The following COL5A2 variants were observed in gnomAD, a reference collection of about 807,000 sequenced individuals.
The protein encoded by COL5A2 is collagen type V alpha 2 chain.
Under a neutral mutation model 208.2 loss-of-function variants are expected in COL5A2, and 23 were observed. The ratio of observed to expected loss-of-function variants is 0.11; its 90% CI spans 0.08 to 0.16. The LOEUF (loss-of-function observed/expected upper bound fraction) is 0.16, where lower values mean the gene tolerates loss of function less well. COL5A2 is among the 10% of genes least tolerant of loss of function. COL5A2 has a pLI of 1.00. For missense variants in COL5A2, 1,590 were observed against 1,956.4 expected (o/e 0.81, Z 3.53); for synonymous variants, 625 against 628.5 (o/e 0.99, Z 0.08).
At chr2:189,374,885 AAAG>A in the COL5A2 span, among the ~76,000 whole-genome samples, 3 of 152,334 alleles carry the variant, frequency 2.0e-5, no homozygotes, top group African/African-American at 7.2e-5. Flanking sequence ...CTTTCTAAAC[AAAG>A]AAGAATGAAG....
At chr2:189,222,753 G>A (rs1463313646) in intron 1 of COL5A2, among the ~76,000 whole-genome samples, 1 of 152,176 alleles carries the variant, frequency 6.6e-6, no homozygotes, top group African/African-American at 2.4e-5. Flanking sequence ...GGGCAGTTGT[G>A]TTTGTAGTTT....
At chr2:189,290,865 G>T in the COL5A2 span, among the ~76,000 whole-genome samples, 1 of 151,896 alleles carries the variant, frequency 6.6e-6, no homozygotes, top group South Asian at 2.1e-4. Context: ...AAATATCTCT[G>T]CTTGTAAGAA....
At chr2:189,355,391 C>T in the COL5A2 span, among the ~76,000 whole-genome samples, 1 of 152,092 alleles carries the variant, frequency 6.6e-6, no homozygotes, top group Non-Finnish European at 1.5e-5. Context: ...GTTAAAGTCT[C>T]CCACTATTAT....
intron 1 of COL5A2, among the ~76,000 whole-genome samples, chr2:189,212,183 G>A (rs1442276080): frequency 6.6e-6 from 1 of 152,056 alleles, no homozygotes; most frequent in Non-Finnish European, 1.5e-5. Context: ...AGACAACGTG[G>A]CCTCCTTCCT....
At chr2:189,279,926 G>C in the COL5A2 span, among the ~76,000 whole-genome samples, 4 of 152,032 alleles carry the variant, frequency 2.6e-5, no homozygotes, top group African/African-American at 7.2e-5. Context: ...TTTAGAGGTG[G>C]GGCCTTTGGG....
intron 1 of COL5A2, among the ~76,000 whole-genome samples, chr2:189,126,881 T>A (rs180902890): frequency 2.9e-4 from 44 of 152,206 alleles, no homozygotes; most frequent in Non-Finnish European, 4.6e-4. Context: ...ACTGAGTACC[T>A]ATTATGTGCC....
At chr2:189,065,208 A>G (rs1686122612) in intron 23 of COL5A2, 151 bp from the exon 24 acceptor site, 1 of 731,616 alleles carries the variant, frequency 1.4e-6, no homozygotes, top group Non-Finnish European at 2.4e-6. Context: ...ATCTGACTCG[A>G]TGGAAAAACT....
In COL5A2 at chr2:189,212,735, T is replaced by C. The variant is rs546703956; in HGVS notation, c.-42+12413A>G. On this transcript the variant is annotated intron_variant, in intron 1 of 10. Coordinates refer to the COL5A2 transcript ENST00000649966. ...AGCGAAAGAAAAATTGAATGGTAGA[T>C]GGGCAATAGAGACAAAGGAAAGGCA... Among the ~76,000 whole-genome samples the C allele has an allele frequency of 1.4e-4, 21 of 150,882 alleles. No individual in the cohort carries two copies. The South Asian group carries it at 3.2e-3, about 23-fold the overall frequency.
chr2:189,115,749 C>A (rs186015982), intron 1 of COL5A2, among the ~76,000 whole-genome samples: 1 of 152,166 alleles, frequency 6.6e-6, no homozygotes, highest in Non-Finnish European at 1.5e-5. Flanking sequence ...TTATATAATC[C>A]GTCTTTGATA....
At chr2:189,246,169 C>G in the COL5A2 span, among the ~76,000 whole-genome samples, 2 of 151,872 alleles carry the variant, frequency 1.3e-5, no homozygotes, top group Admixed American at 6.6e-5. Flanking sequence ...AATCATTCAC[C>G]AATACATGAA....
At chr2:189,201,735 T>G (rs1423944950) in intron 1 of COL5A2, among the ~76,000 whole-genome samples, 1 of 151,830 alleles carries the variant, frequency 6.6e-6, no homozygotes, top group Non-Finnish European at 1.5e-5. Context: ...AAAGACAAAC[T>G]GCTTTGAAGG....
chr2:189,064,251 T>C (rs1398533195), intron 25 of COL5A2, among the ~76,000 whole-genome samples: 1 of 120,074 alleles, frequency 8.3e-6, no homozygotes, highest in African/African-American at 3.1e-5. Flanking sequence ...TTACAAATAT[T>C]TATAAATTCT....
chr2:189,332,639 T>C, the COL5A2 span, among the ~76,000 whole-genome samples: 2 of 152,320 alleles, frequency 1.3e-5, no homozygotes, highest in South Asian at 2.1e-4. Flanking sequence ...CCATGTAAGA[T>C]GTGACTTGCT....
chr2:189,244,406 A>C, the COL5A2 span, among the ~76,000 whole-genome samples: 134 of 152,266 alleles, frequency 8.8e-4, no homozygotes, highest in Non-Finnish European at 1.5e-3. Flanking sequence ...AAGTTCCACA[A>C]ATCTCTAAGG....
the COL5A2 span, among the ~76,000 whole-genome samples, chr2:189,403,644 T>G: frequency 6.6e-6 from 1 of 152,250 alleles, no homozygotes; most frequent in African/African-American, 2.4e-5. Context: ...TTGAATTTTA[T>G]TGAAGGCCTT....
chr2:189,068,219 T>G lies in COL5A2; in HGVS notation c.1302+7A>C. ...TGAGCTTCACATGCCATAAATGCAGTACTCACCGTTGGGCCTTTGGCACCA... is the reference window on the plus strand; with the variant it reads ...TGAGCTTCACATGCCATAAATGCAGGACTCACCGTTGGGCCTTTGGCACCA... On this transcript the variant is annotated splice_region_variant and intron_variant, in intron 20 of 53. Transcript: ENST00000374866. The G allele has an allele frequency of 1.2e-6, 2 of 1,613,572 alleles. No homozygotes were observed. The highest frequency in any genetic ancestry group is 2.2e-5 in the South Asian group (2 of 91,068).
At chr2:189,201,048 G>C (rs977832595) in intron 1 of COL5A2, among the ~76,000 whole-genome samples, 7 of 152,066 alleles carry the variant, frequency 4.6e-5, no homozygotes, top group African/African-American at 1.7e-4. Flanking sequence ...AATAGTTAAA[G>C]TGAAGGTAAA....
At chr2:189,054,502 C>A (rs908242953) in intron 35 of COL5A2, among the ~76,000 whole-genome samples, 4 of 152,082 alleles carry the variant, frequency 2.6e-5, no homozygotes, top group Non-Finnish European at 4.4e-5. Context: ...TAATGCTAAG[C>A]TACAAAAATG....
At chr2:189,111,728 GC>G (rs1471624109) in intron 1 of COL5A2, among the ~76,000 whole-genome samples, 1 of 152,016 alleles carries the variant, frequency 6.6e-6, no homozygotes, top group African/African-American at 2.4e-5. Flanking sequence ...GAACAAATAG[GC>G]AAAAATCACT....
Sources: gnomAD v4.1 joint callset for allele counts (sites outside exome capture counted in the v4.1 genomes callset) on GRCh38, gnomAD v4.1.1 for gene constraint, MANE v1.5 for transcripts, NCBI Gene and HGNC (gene_info 2026-07-23, HGNC 2026-07-21) for gene names.